Variants in PDE8B observed in about 807,000 individuals in gnomAD.
PDE8B encodes the protein phosphodiesterase 8B, also known as high affinity cAMP-specific and IBMX-insensitive 3',5'-cyclic phosphodiesterase 8B.
PDE8B carries 26 observed loss-of-function variants against 101.3 expected under a neutral mutation model. The ratio of observed to expected loss-of-function variants is 0.26; its 90% CI spans 0.19 to 0.36. The LOEUF is 0.36. PDE8B is among the 10% of genes least tolerant of loss of function. The probability of loss-of-function intolerance (pLI) is 1.00; values close to 1 mark genes in which losing one functional copy is unlikely to be tolerated. For synonymous variants in PDE8B, 424 were observed against 429.3 expected (o/e 0.99, Z 0.15); for missense variants, 810 against 1,163.1 (o/e 0.70, Z 4.42).
the PDE8B span, among the ~76,000 whole-genome samples, chr5:77,180,967 CGTGTGT>C: frequency 2.5e-3 from 372 of 147,628 alleles, 1 homozygote; most frequent in East Asian, 8.4e-3. Context: ...GGTGTGTACA[CGTGTGT>C]GTGTGTGTGT....
intron 1 of PDE8B, among the ~76,000 whole-genome samples, chr5:77,282,925 C>T (rs1481120177): frequency 6.6e-6 from 1 of 152,006 alleles, no homozygotes; most frequent in Admixed American, 6.6e-5. Context: ...CCTGTGCTGA[C>T]CTCGGGGAGC....
the PDE8B span, among the ~76,000 whole-genome samples, chr5:77,126,933 T>C: frequency 4.6e-5 from 7 of 152,174 alleles, no homozygotes. Context: ...TGGACTTTAT[T>C]TATTATAGGC....
rs1774920242 is a variant in PDE8B, at chr5:77,320,985, C to T, written c.400-4554C>T. ...ATAACTGCCTTATACCAAAAAAGTA[C>T]ATAAGTAAATAAGAAATGTATTAGA... On this transcript the variant is annotated intron_variant, in intron 2 of 21. Coordinates refer to ENST00000264917, the MANE Select transcript of PDE8B (RefSeq NM_003719.5). Among the ~76,000 whole-genome samples the T allele has an allele frequency of 2.6e-5, 4 of 151,244 alleles. No individual in the cohort carries two copies. The South Asian group carries it at 8.4e-4, about 32-fold the overall frequency.
rs1355843483 is a variant in PDE8B at position 77,335,532 on chromosome 5, G to GGGGTGT, written c.709-1694_709-1693insGGTGTG. Among the ~76,000 whole-genome samples the GGGGTGT allele has an allele frequency of 5.2e-3, 763 of 145,668 alleles. 4 individuals carry two copies. Among genetic ancestry groups the GGGGTGT allele is most frequent in the Non-Finnish European group, 8.6e-3 (573 of 66,752 alleles). On this transcript the variant is annotated intron_variant, in intron 5 of 21. Transcript: ENST00000264917. Reference sequence around the variant, plus strand: ...GCCAACCACTCCAGTGTATATGTGGGGTGTGTGTGTGTGTGTGTGTGTGTG... The same window carrying GGGGTGT: ...GCCAACCACTCCAGTGTATATGTGGGGGGTGTGTGTGTGTGTGTGTGTGTGTGTGTG...
Position 77,418,391 on chromosome 5 carries a change from G to A in PDE8B, c.2074G>A (p.Ala692Thr), listed in dbSNP as rs1211129154. 4.3e-6 allele frequency: 7 copies of A among 1,614,128 alleles called. No homozygotes were observed. The highest frequency in any genetic ancestry group is 2.7e-5 in the African/African-American group (2 of 75,032). ...TCTGGAGAGTCACCACACCGCCCTG[G>A]CCTTCCAGCTCACGGTCAAGGACAC... ...AVLESHHTAL[A>T]FQLTVKDTKC... Residue 692 changes from alanine to threonine, a missense_variant, in exon 18 of 22, where the codon GCC becomes ACC. Ala to Thr is a moderately conservative substitution (Grantham distance 58). This residue lies in a region of PDE8B where 325 missense variants were observed against 560.9 expected (regional missense o/e 0.58). Transcript: ENST00000264917.
In PDE8B at chr5:77,427,633, G is replaced by A. The variant is rs1480931207; in HGVS notation, c.*1079G>A. The A allele has an allele frequency of 7.2e-5, 11 of 152,068 alleles. No individual in the cohort carries two copies. The highest frequency in any genetic ancestry group is 2.4e-4 in the African/African-American group (10 of 41,416). 9.4% of individuals were successfully genotyped at this position (152,068 alleles called of 1,614,324 possible). On this transcript the variant is annotated 3_prime_UTR_variant, in exon 22 of 22. Transcript: ENST00000264917. ...GTGGTGTAAATATATCAGAAAATAG[G>A]CATATGGGGAGGCAGTAAATACTAT...
intron 2 of PDE8B, 146 bp from the exon 3 acceptor site, chr5:77,325,393 C>T (rs1188626056): frequency 5.3e-6 from 4 of 748,726 alleles, no homozygotes; most frequent in South Asian, 4.7e-5. Context: ...TGGTCTTGAA[C>T]ACCTGGGCTT....
At chr5:77,365,645 A>G (rs1401551693) in intron 10 of PDE8B, among the ~76,000 whole-genome samples, 1 of 152,224 alleles carries the variant, frequency 6.6e-6, no homozygotes, top group Non-Finnish European at 1.5e-5. Context: ...TCTGAGAGAC[A>G]GGGGCCTGTG....
the PDE8B span, among the ~76,000 whole-genome samples, chr5:77,128,305 C>T: frequency 6.6e-6 from 1 of 152,280 alleles, no homozygotes; most frequent in Non-Finnish European, 1.5e-5. Context: ...TTACAGTGAC[C>T]GTCCTGGCTA....
intron 2 of PDE8B, among the ~76,000 whole-genome samples, chr5:77,315,117 G>C (rs1054994016): frequency 6.6e-6 from 1 of 151,926 alleles, no homozygotes; most frequent in East Asian, 1.9e-4. Flanking sequence ...TCAATCCGTG[G>C]CTCTTTTATT....
the PDE8B span, among the ~76,000 whole-genome samples, chr5:77,149,191 A>G: frequency 6.6e-6 from 1 of 152,188 alleles, no homozygotes. Flanking sequence ...GCAAGCGTTT[A>G]TATCTGAACT....
the PDE8B span, among the ~76,000 whole-genome samples, chr5:77,177,477 G>T: frequency 2.6e-5 from 4 of 152,332 alleles, no homozygotes. Context: ...ATGTGAATGT[G>T]GTCTCTAGCT....
At chr5:77,323,668 A>G (rs1252401012) in intron 2 of PDE8B, among the ~76,000 whole-genome samples, 5 of 152,170 alleles carry the variant, frequency 3.3e-5, no homozygotes. Context: ...AATTAATAAA[A>G]GTATTTTTCA....
chr5:77,396,845 C>T lies in PDE8B; in HGVS notation c.1168-3403C>T, dbSNP rs115770799. ...TAGTTTTAATTACATATATTAACTA[C>T]TACTTTAACTCGTAGTAACCCTAAT... On this transcript the variant is annotated intron_variant, in intron 10 of 21. Transcript: ENST00000264917. 8.6e-3 allele frequency among the ~76,000 whole-genome samples: 1,311 copies of T among 152,002 alleles called. 25 individuals are homozygous for T. Among genetic ancestry groups the T allele is most frequent in the African/African-American group, 0.03 (1,260 of 41,436 alleles).
chr5:77,416,962 C>A (rs183228553), intron 17 of PDE8B, among the ~76,000 whole-genome samples: 3 of 152,072 alleles, frequency 2.0e-5, no homozygotes, highest in Non-Finnish European at 4.4e-5. Flanking sequence ...ACTTCAGGAA[C>A]GTCATGCAGG....
chr5:77,099,239 AG>A, the PDE8B span, among the ~76,000 whole-genome samples: 1 of 152,234 alleles, frequency 6.6e-6, no homozygotes, highest in Non-Finnish European at 1.5e-5. Context: ...AGGTAGTTTT[AG>A]GCAAGAGAGT....
the PDE8B span, among the ~76,000 whole-genome samples, chr5:77,170,020 C>T: frequency 6.6e-6 from 1 of 152,154 alleles, no homozygotes; most frequent in Non-Finnish European, 1.5e-5. Context: ...CTATCCTGCA[C>T]CTGCAAGCAA....
the PDE8B span, among the ~76,000 whole-genome samples, chr5:77,123,603 C>A: frequency 3.9e-5 from 6 of 151,936 alleles, no homozygotes; most frequent in African/African-American, 1.5e-4. Flanking sequence ...ACAAAAAATA[C>A]AAAAAATTAG....
chr5:77,378,256 C>T (rs917041556), intron 10 of PDE8B, among the ~76,000 whole-genome samples: 43 of 151,886 alleles, frequency 2.8e-4, no homozygotes, highest in Admixed American at 9.8e-4. Flanking sequence ...CTCAAGAGAT[C>T]GAGACCATCC....
Sources: allele counts gnomAD v4.1 joint callset (sites outside exome capture counted in the v4.1 genomes callset), GRCh38; gene constraint gnomAD v4.1.1; regional missense constraint gnomAD v4.1.1; transcripts MANE v1.5; gene names NCBI Gene and HGNC (gene_info 2026-07-23, HGNC 2026-07-21).